PRKCE: variants seen among roughly 807,000 people sequenced by gnomAD.
PRKCE encodes protein kinase C epsilon type.
In PRKCE, 16 loss-of-function variants were observed where a neutral mutation model predicts 85.4. The observed-to-expected ratio is 0.19, with a 90% CI of 0.13 to 0.28. The LOEUF (loss-of-function observed/expected upper bound fraction) is 0.28. PRKCE is among the 10% of genes least tolerant of loss of function. The pLI, the probability that PRKCE is intolerant of heterozygous loss-of-function variation, is 1.00. For synonymous variants in PRKCE, 388 were observed against 371.5 expected (o/e 1.04, Z -0.51); for missense variants, 573 against 975.2 (o/e 0.59, Z 5.49).
At chr2:46,128,508 T>C (rs1373551587) in intron 11 of PRKCE, among the ~76,000 whole-genome samples, 4 of 152,240 alleles carry the variant, frequency 2.6e-5, no homozygotes, top group African/African-American at 9.6e-5. Flanking sequence ...TAAGACATTG[T>C]ATTCACATAG....
intron 1 of PRKCE, among the ~76,000 whole-genome samples, chr2:45,784,314 C>T (rs779069386): frequency 3.9e-5 from 6 of 152,192 alleles, no homozygotes; most frequent in Non-Finnish European, 7.3e-5. Flanking sequence ...CCCCTGTAGG[C>T]GTGAGGGCCA....
At position 46,031,928 on chromosome 2, in the gene PRKCE, T is replaced by G. The variant is rs577232578; in HGVS notation, c.1437+21411T>G. On this transcript the variant is annotated intron_variant, in intron 10 of 14. Transcript: ENST00000306156. ...TTAACCTCTTCCCACCCACACAAAC[T>G]CATCTCACAGCCTCTTAGCAATAGG... is the stretch of plus-strand genomic sequence containing the variant. Among the ~76,000 whole-genome samples, 5 of 152,240 alleles carry G rather than the reference T, an allele frequency of 3.3e-5. No homozygotes were observed. In the South Asian group the frequency reaches 1.0e-3, roughly 32 times the overall value.
intron 1 of PRKCE, among the ~76,000 whole-genome samples, chr2:45,734,731 T>C (rs1681900485): frequency 6.6e-6 from 1 of 152,204 alleles, no homozygotes; most frequent in Admixed American, 6.5e-5. Context: ...CCTGAAGTAC[T>C]CACTCCCCAA....
At chr2:45,965,457 T>C (rs1296016263) in intron 2 of PRKCE, among the ~76,000 whole-genome samples, 3 of 152,238 alleles carry the variant, frequency 2.0e-5, no homozygotes, top group Non-Finnish European at 4.4e-5. Context: ...CAGAGCATTA[T>C]TGAAAGGGAA....
chr2:45,851,998 G>A (rs981458808), intron 2 of PRKCE: 3 of 152,344 alleles, frequency 2.0e-5, no homozygotes, highest in African/African-American at 7.2e-5. Flanking sequence ...GGAACCACTT[G>A]CCTCCACCTG....
chr2:45,844,635 T>C (rs970238853), intron 2 of PRKCE, among the ~76,000 whole-genome samples: 1 of 152,236 alleles, frequency 6.6e-6, no homozygotes, highest in Non-Finnish European at 1.5e-5. Flanking sequence ...TGGCGAAACA[T>C]TTGATGGGCA....
intron 1 of PRKCE, among the ~76,000 whole-genome samples, chr2:45,784,865 TG>T (rs1686474134): frequency 6.6e-6 from 1 of 152,228 alleles, no homozygotes; most frequent in African/African-American, 2.4e-5. Flanking sequence ...ATAATGATAA[TG>T]TTTTTTGTCT....
intron 12 of PRKCE, among the ~76,000 whole-genome samples, chr2:46,146,733 A>T (rs1558502033): frequency 6.6e-6 from 1 of 152,186 alleles, no homozygotes; most frequent in Non-Finnish European, 1.5e-5. Context: ...ACAAATCAGG[A>T]TCTTAGAAAG....
chr2:46,129,537 C>T (rs903211410), intron 11 of PRKCE, among the ~76,000 whole-genome samples: 1 of 152,224 alleles, frequency 6.6e-6, no homozygotes, highest in Non-Finnish European at 1.5e-5. Context: ...GTGGTAGTCA[C>T]TCCATGAATA....
At chr2:46,031,801 C>G (rs1332243927) in intron 10 of PRKCE, among the ~76,000 whole-genome samples, 2 of 152,174 alleles carry the variant, frequency 1.3e-5, no homozygotes, top group Admixed American at 1.3e-4. Context: ...TCATGCTCCT[C>G]CTCTCAGCCC....
intron 1 of PRKCE, among the ~76,000 whole-genome samples, chr2:45,724,987 G>C (rs1006594276): frequency 3.6e-4 from 55 of 152,226 alleles, no homozygotes; most frequent in African/African-American, 1.3e-3. Flanking sequence ...ATAAACAACA[G>C]ATTTTCAATG....
intron 10 of PRKCE, among the ~76,000 whole-genome samples, chr2:46,021,923 A>C (rs1706702857): frequency 6.6e-6 from 1 of 152,006 alleles, no homozygotes; most frequent in South Asian, 2.1e-4. Flanking sequence ...GGGGCCTTTC[A>C]TAGGGAGCTT....
intron 5 of PRKCE, among the ~76,000 whole-genome samples, chr2:45,982,480 T>C (rs925505298): frequency 6.6e-6 from 1 of 152,214 alleles, no homozygotes; most frequent in Non-Finnish European, 1.5e-5. Context: ...TAGCATGCGG[T>C]GGACTCACAC....
chr2:46,111,190 AT>A (rs1558466234), intron 11 of PRKCE, among the ~76,000 whole-genome samples: 2 of 76,188 alleles, frequency 2.6e-5, no homozygotes, highest in Non-Finnish European at 3.2e-5. Context: ...ATAAATGTCA[AT>A]TTATAAATGT....
At chr2:46,104,707 A>T (rs1168155826) in intron 11 of PRKCE, among the ~76,000 whole-genome samples, 1 of 152,174 alleles carries the variant, frequency 6.6e-6, no homozygotes, top group Non-Finnish European at 1.5e-5. Flanking sequence ...ATATCAAAAG[A>T]ACTTTAAAAG....
chr2:46,132,688 A>G (rs1306175971), intron 11 of PRKCE, among the ~76,000 whole-genome samples: 3 of 152,238 alleles, frequency 2.0e-5, no homozygotes, highest in Non-Finnish European at 4.4e-5. Context: ...TTATTGGCAT[A>G]TATGCATATA....
intron 11 of PRKCE, among the ~76,000 whole-genome samples, chr2:46,127,358 G>T (rs973994427): frequency 6.6e-6 from 1 of 152,132 alleles, no homozygotes; most frequent in East Asian, 1.9e-4. Flanking sequence ...GTATAGACTT[G>T]TTTATATATA....
intron 2 of PRKCE, among the ~76,000 whole-genome samples, chr2:45,928,725 C>T (rs1052347236): frequency 1.3e-5 from 2 of 152,172 alleles, no homozygotes; most frequent in East Asian, 1.9e-4. Context: ...GACAAGCCTT[C>T]CTCAGTCCTT....
intron 2 of PRKCE, among the ~76,000 whole-genome samples, chr2:45,872,353 A>C (rs1266726823): frequency 6.6e-6 from 1 of 152,190 alleles, no homozygotes; most frequent in African/African-American, 2.4e-5. Flanking sequence ...GGTGGAAACG[A>C]GGTCAGAGCG....
Sources: gnomAD v4.1 joint callset for allele counts (sites outside exome capture counted in the v4.1 genomes callset) on GRCh38, gnomAD v4.1.1 for gene constraint, MANE v1.5 for transcripts, NCBI Gene and HGNC (gene_info 2026-07-23, HGNC 2026-07-21) for gene names.